The following EIF4G2 variants were observed in gnomAD, a reference collection of about 807,000 sequenced individuals.
EIF4G2 encodes the protein DAP-5.
A neutral mutation model predicts 117.7 loss-of-function variants in EIF4G2; 8 were observed. The observed-to-expected ratio is 0.07, with a 90% CI of 0.04 to 0.12. The LOEUF is 0.12. Ranked by LOEUF, EIF4G2 falls within the 10% of genes least tolerant of loss-of-function variation. The pLI is 1.00. For synonymous variants in EIF4G2, 413 were observed against 367.8 expected, an observed-to-expected ratio of 1.12 and a Z score of -1.41; for missense variants, 812 against 1,086.2, an observed-to-expected ratio of 0.75 and a Z score of 3.55.
intron 1 of EIF4G2, chr11:10,808,465 G>C: frequency 1.6e-6 from 2 of 1,258,162 alleles, no homozygotes; most frequent in African/African-American, 1.6e-5. Flanking sequence ...TCGGCCATCC[G>C]GCCATGACCG....
chr11:10,797,975 G>T lies in EIF4G2; in HGVS notation c.2659-94C>A. The T allele has an allele frequency of 8.9e-7, 1 of 1,127,364 alleles. No individual in the cohort carries two copies. The highest frequency in any genetic ancestry group is 1.3e-5 in the South Asian group (1 of 77,454). 69.8% of individuals were successfully genotyped at this position (1,127,364 alleles called of 1,614,324 possible). A position where few individuals can be genotyped will look rare whatever the true frequency, so the allele number is the denominator to read the frequency against. ...GTGGTACTACACAGTTTTAGAATATGAAACAAGGATATCCCTACCAACAAT... is the reference window on the plus strand; with the variant it reads ...GTGGTACTACACAGTTTTAGAATATTAAACAAGGATATCCCTACCAACAAT... On this transcript the variant is annotated intron_variant, in intron 21 of 21. Coordinates refer to ENST00000339995, the MANE Select transcript of EIF4G2 (RefSeq NM_001418.4). The surrounding 1 kb of genome is among the most constrained non-coding windows in gnomAD (Gnocchi z 4.5).
rs368777801 is a variant in EIF4G2, at chr11:10,801,429, G to A, written c.1413+232C>T. Reference sequence around the variant, plus strand: ...ACAAAGAAAGAAACCACAATATTTTGACAACCAGTTTTCTTGCTCTAACAG... The same window carrying A: ...ACAAAGAAAGAAACCACAATATTTTAACAACCAGTTTTCTTGCTCTAACAG... On this transcript the variant is annotated intron_variant, in intron 14 of 21. Coordinates refer to ENST00000339995, the MANE Select transcript of EIF4G2 (RefSeq NM_001418.4). 44 of 670,740 alleles carry A rather than the reference G, an allele frequency of 6.6e-5. No individual in the cohort carries two copies. In the African/African-American group the frequency reaches 7.6e-4, roughly 12 times the overall value. The allele number at this position is 670,740 out of a possible 1,614,324, so 41.5% of individuals were successfully genotyped here.
At chr11:10,807,561 C>T (rs1396994126) in intron 1 of EIF4G2, 180 bp from the exon 2 acceptor site, 10 of 1,261,768 alleles carry the variant, frequency 7.9e-6, no homozygotes, top group Admixed American at 3.9e-5. Context: ...GGAAATTCCC[C>T]GGTGTTCAAG....
chr11:10,808,571 G>T, intron 1 of EIF4G2, 134 bp downstream of exon 1: 1 of 989,908 alleles, frequency 1.0e-6, no homozygotes, highest in South Asian at 1.8e-5. Flanking sequence ...CTGAAGCGCA[G>T]AGGAAATGCT....
Position 10,797,890 on chromosome 11 carries a change from T to C in EIF4G2, c.2659-9A>G. On this transcript the variant is annotated splice_polypyrimidine_tract_variant and intron_variant, in intron 21 of 21. Transcript: ENST00000339995. The surrounding 1 kb of genome is among the most constrained non-coding windows in gnomAD (Gnocchi z 4.5). The stretch of plus-strand genomic sequence containing the variant: ...GTTAGCCACTGATTCACCTATAAAT[T>C]AAGATTTGTAAATTAAAATAGTTCA... 1 of 1,612,196 alleles carries C rather than the reference T, an allele frequency of 6.2e-7. No homozygotes were observed. Among genetic ancestry groups the C allele is most frequent in the Non-Finnish European group, 8.5e-7 (1 of 1,179,062 alleles).
intron 14 of EIF4G2, 38 bp downstream of exon 14, chr11:10,801,623 G>A (rs753651240): frequency 4.5e-6 from 7 of 1,572,490 alleles, no homozygotes; most frequent in Non-Finnish European, 6.1e-6. Flanking sequence ...TTTCTGAATG[G>A]ACAAACTATG....
chr11:10,804,300 T>G lies in EIF4G2; in HGVS notation c.470A>C (p.Gln157Pro), dbSNP rs772343866. 28 of 1,613,974 alleles carry G rather than the reference T, an allele frequency of 1.7e-5. No individual in the cohort carries two copies. The South Asian group carries it at 3.0e-4, about 17-fold the overall frequency. Residue 157 changes from glutamine (Q) to proline (P), a missense_variant, in exon 6 of 22, where the codon CAG (glutamine) becomes CCG (proline). Physicochemically the swap from Gln to Pro is moderately conservative, Grantham distance 76. This residue lies in a region of EIF4G2 where 154 missense variants were observed against 322.1 expected (regional missense o/e 0.48). Transcript: ENST00000339995. ...ACTACCACTTACGGTGCTTTGCTTC[T>G]GTCCTGGTTGACCCTCTGCTGCTGG...
chr11:10,804,480 G>A (rs944516323), intron 5 of EIF4G2, 62 bp from the exon 6 acceptor site: 3 of 1,514,816 alleles, frequency 2.0e-6, no homozygotes, highest in African/African-American at 1.4e-5. Context: ...CTTCCTTTAG[G>A]AAAAATACAA....
chr11:10,806,989 C>T (rs774984974), intron 2 of EIF4G2, 104 bp from the exon 3 acceptor site: 54 of 1,376,066 alleles, frequency 3.9e-5, no homozygotes, highest in Non-Finnish European at 5.3e-5. Flanking sequence ...ATGGGGGTCT[C>T]GCTATTTTGC....
chr11:10,802,273 C>CCATTGTTT, intron 12 of EIF4G2, 21 bp downstream of exon 12: 2 of 1,611,382 alleles, frequency 1.2e-6, no homozygotes, highest in Non-Finnish European at 1.7e-6. Context: ...CTTAACGCAA[C>CCATTGTTT]CATTGTTTTT....
rs1371850477 is a variant in EIF4G2, at chr11:10,803,709, G to A, written c.703-119C>T. Reference sequence around the variant, plus strand: ...CAGTTCCTACAGAATCTAGTATAGGGCTTTCTACCAGTCTGGTTGATCAGT... The same window carrying A: ...CAGTTCCTACAGAATCTAGTATAGGACTTTCTACCAGTCTGGTTGATCAGT... On this transcript the variant is annotated intron_variant, in intron 8 of 21. Coordinates refer to ENST00000339995, the MANE Select transcript of EIF4G2 (RefSeq NM_001418.4). The surrounding 1 kb of genome is among the most constrained non-coding windows in gnomAD (Gnocchi z 4.0). 5 of 1,114,838 alleles carry A rather than the reference G, an allele frequency of 4.5e-6. No homozygotes were observed. The highest frequency in any genetic ancestry group is 6.5e-6 in the Non-Finnish European group (5 of 768,422). 69.1% of individuals were successfully genotyped at this position (1,114,838 alleles called of 1,614,324 possible). A position where few individuals can be genotyped will look rare whatever the true frequency, so the allele number is the denominator to read the frequency against.
Position 10,805,627 on chromosome 11 carries a change from A to G in EIF4G2, c.248+280T>C, listed in dbSNP as rs566663381. Among the ~76,000 whole-genome samples, 108 of 152,046 alleles carry G rather than the reference A, an allele frequency of 7.1e-4. 2 individuals are homozygous for G. The South Asian group carries it at 0.022, about 31-fold the overall frequency. ...GCCACTACGTCCGGCTAATTTTTGT[A>G]TTTTTAGTAGAGATGGGGTTTCAAC... is the stretch of plus-strand genomic sequence containing the variant. On this transcript the variant is annotated intron_variant, in intron 4 of 21. Coordinates refer to ENST00000339995, the MANE Select transcript of EIF4G2 (RefSeq NM_001418.4).
At chr11:10,802,640 T>C (rs1847459232) in intron 11 of EIF4G2, among the ~76,000 whole-genome samples, 1 of 152,182 alleles carries the variant, frequency 6.6e-6, no homozygotes, top group African/African-American at 2.4e-5. Context: ...GCCCAAGCCT[T>C]GGTTTGCATG....
intron 17 of EIF4G2, 21 bp from the exon 18 acceptor site, chr11:10,800,369 G>GTT (rs1847382578): frequency 6.2e-7 from 1 of 1,612,676 alleles, no homozygotes; most frequent in Non-Finnish European, 8.5e-7. Context: ...ATATACAACA[G>GTT]TTTATCAGTT....
At chr11:10,808,629 C>T (rs1847667441) in intron 1 of EIF4G2, 76 bp downstream of exon 1, 1 of 498,732 alleles carries the variant, frequency 2.0e-6, no homozygotes, top group Non-Finnish European at 2.9e-6. Flanking sequence ...CCATTTTGTA[C>T]CACTCGAGAA....
At position 10,799,644 on chromosome 11, in the gene EIF4G2, A is replaced by G; in HGVS notation, c.2232T>C (p.Asp744=). The change falls in exon 19 of 22, where the codon GAT becomes GAC. Residue 744 remains aspartate, a synonymous_variant. Transcript: ENST00000339995. ...ATTTATATATGGTTTGAGGGGATGG[A>G]TCCAACTTTATTTGCTTCAACAGTT... is the stretch of plus-strand genomic sequence containing the variant. 6.2e-7 allele frequency: 1 copy of G among 1,614,148 alleles called. No individual in the cohort carries two copies. The highest frequency in any genetic ancestry group is 8.5e-7 in the Non-Finnish European group (1 of 1,180,020).
chr11:10,807,508 A>G (rs1478868249), intron 1 of EIF4G2, 127 bp from the exon 2 acceptor site: 6 of 1,322,782 alleles, frequency 4.5e-6, no homozygotes, highest in African/African-American at 1.5e-5. Flanking sequence ...ACTAACCTAA[A>G]ATGTACTCAA....
intron 4 of EIF4G2, among the ~76,000 whole-genome samples, chr11:10,805,571 G>A (rs1847543846): frequency 6.6e-6 from 1 of 151,990 alleles, no homozygotes; most frequent in South Asian, 2.1e-4. Context: ...TCCTGCCTCA[G>A]CCTCTCTAGT....
At chr11:10,801,135 G>C in intron 14 of EIF4G2, 48 bp from the exon 15 acceptor site, 1 of 1,608,176 alleles carries the variant, frequency 6.2e-7, no homozygotes, top group South Asian at 1.1e-5. Flanking sequence ...TGCAGTTGGC[G>C]AACATATTAA....
Sources: gnomAD v4.1 joint callset for allele counts (sites outside exome capture counted in the v4.1 genomes callset) on GRCh38, gnomAD v4.1.1 for gene constraint, gnomAD v4.1.1 regional missense constraint, Gnocchi (gnomAD v3.1) non-coding constraint, MANE v1.5 for transcripts, NCBI Gene and HGNC (gene_info 2026-07-23, HGNC 2026-07-21) for gene names.